The following NDEL1 variants were observed in gnomAD, a reference collection of about 807,000 sequenced individuals.
NDEL1 encodes the protein nudE neurodevelopment protein 1 like 1.
A neutral mutation model predicts 45.7 loss-of-function variants in NDEL1; 9 were observed. That is an observed-to-expected ratio of 0.20 (90% CI 0.12 to 0.34). The LOEUF (loss-of-function observed/expected upper bound fraction) is 0.34. Ranked by LOEUF, NDEL1 falls within the 10% of genes least tolerant of loss-of-function variation. The pLI is 1.00. For missense variants in NDEL1, 306 were observed against 406.2 expected (o/e 0.75, Z 2.12); for synonymous variants, 133 against 158.6 (o/e 0.84, Z 1.21).
At chr17:8,421,607 C>A (rs1174392832) in intron 1 of NDEL1, among the ~76,000 whole-genome samples, 1 of 152,180 alleles carries the variant, frequency 6.6e-6, no homozygotes, top group Non-Finnish European at 1.5e-5. Flanking sequence ...GGTTTAGACA[C>A]TACTGACCTT....
intron 1 of NDEL1, among the ~76,000 whole-genome samples, chr17:8,443,637 C>A (rs923754847): frequency 6.6e-6 from 1 of 152,094 alleles, no homozygotes; most frequent in African/African-American, 2.4e-5. Context: ...TTTCTCCTCT[C>A]TGAATGCCTT....
chr17:8,446,666 T>TGC, intron 3 of NDEL1, 88 bp from the exon 4 acceptor site: 1 of 1,262,256 alleles, frequency 7.9e-7, no homozygotes, highest in African/African-American at 1.5e-5. Context: ...TTCCTTGGGT[T>TGC]CCCCCCCACC....
intron 1 of NDEL1, among the ~76,000 whole-genome samples, chr17:8,430,553 G>T (rs1216067717): frequency 6.6e-6 from 1 of 152,124 alleles, no homozygotes; most frequent in Non-Finnish European, 1.5e-5. Flanking sequence ...GGTGGAATCT[G>T]GCCTCTGTTT....
At chr17:8,434,272 T>G (rs1399121407), upstream of NDEL1, among the ~76,000 whole-genome samples, 1 of 152,102 alleles carries the variant, frequency 6.6e-6, no homozygotes, top group Non-Finnish European at 1.5e-5. Flanking sequence ...GTCGCCCAGG[T>G]TAGAGTGCAG....
intron 2 of NDEL1, among the ~76,000 whole-genome samples, chr17:8,445,387 A>AT (rs1910015378): frequency 6.6e-6 from 1 of 152,208 alleles, no homozygotes; most frequent in African/African-American, 2.4e-5. Context: ...GTAGAAGGAA[A>AT]TGCCAAATTT....
chr17:8,434,168 C>T (rs1909098828), upstream of NDEL1, among the ~76,000 whole-genome samples: 1 of 152,198 alleles, frequency 6.6e-6, no homozygotes, highest in African/African-American at 2.4e-5. Flanking sequence ...CCTGTAATCC[C>T]AGGACTTTGT....
At chr17:8,433,044 T>C (rs1423850032), upstream of NDEL1, among the ~76,000 whole-genome samples, 1 of 152,126 alleles carries the variant, frequency 6.6e-6, no homozygotes, top group Non-Finnish European at 1.5e-5. Flanking sequence ...TAGCCACCGC[T>C]TTGTCTTCAG....
rs16957296 is a variant in NDEL1, at chr17:8,461,696, C to T, written c.944+1536C>T. Among the ~76,000 whole-genome samples, 1,359 of 152,222 alleles carry T rather than the reference C, an allele frequency of 8.9e-3. 18 individuals carry two copies. The highest frequency in any genetic ancestry group is 0.031 in the African/African-American group (1,290 of 41,528). On this transcript the variant is annotated intron_variant, in intron 8 of 8. Transcript: ENST00000334527. Reference sequence around the variant, plus strand: ...GAATGACTGGATGGTTTTACATGAGCGTAGCCATTTCCCCTGAATGATATG... The same window carrying T: ...GAATGACTGGATGGTTTTACATGAGTGTAGCCATTTCCCCTGAATGATATG...
intron 7 of NDEL1, among the ~76,000 whole-genome samples, chr17:8,458,230 C>A (rs536931252): frequency 2.6e-5 from 4 of 152,142 alleles, no homozygotes; most frequent in African/African-American, 9.6e-5. Context: ...TGGCTGCTCC[C>A]AACTTTCTTT....
At chr17:8,451,001 T>A in intron 6 of NDEL1, 48 bp downstream of exon 6, 1 of 1,533,934 alleles carries the variant, frequency 6.5e-7, no homozygotes, top group Non-Finnish European at 8.7e-7. Context: ...ATGATCAGCT[T>A]ACGGGGGTTT....
rs1474683756 is a variant in NDEL1, at chr17:8,467,935, T to C, written c.*912T>C. 2 of 152,674 alleles carry C rather than the reference T, an allele frequency of 1.3e-5. No homozygotes were observed. The highest frequency in any genetic ancestry group is 2.9e-5 in the Non-Finnish European group (2 of 68,052). 9.5% of individuals were successfully genotyped at this position (152,674 alleles called of 1,614,324 possible). A position where few individuals can be genotyped will look rare whatever the true frequency, so the allele number is the denominator to read the frequency against. On this transcript the variant is annotated 3_prime_UTR_variant, in exon 9 of 9. Transcript: ENST00000334527. The surrounding 1 kb of genome is among the most constrained non-coding windows in gnomAD (Gnocchi z 6.3). ...GATTACTCTCATGCTGCATTTACTG[T>C]TTACATTTGTTTTATTGTACATAGG...
chr17:8,447,154 GT>G (rs1047844294), intron 4 of NDEL1, among the ~76,000 whole-genome samples: 1 of 151,884 alleles, frequency 6.6e-6, no homozygotes, highest in African/African-American at 2.4e-5. Flanking sequence ...GTTTTGTTTT[GT>G]TTTTTGAGAC....
Position 8,467,598 on chromosome 17 carries a change from A to C in NDEL1, c.*575A>C. On this transcript the variant is annotated 3_prime_UTR_variant, in exon 9 of 9. Coordinates refer to ENST00000334527, the MANE Select transcript of NDEL1 (RefSeq NM_030808.5). The surrounding 1 kb of genome is among the most constrained non-coding windows in gnomAD (Gnocchi z 6.3). ...ATTTTACTTAAGCAGCTACCATTCCATGGACTTGCCTCCCAGAGCAGCACA... is the reference window on the plus strand; with the variant it reads ...ATTTTACTTAAGCAGCTACCATTCCCTGGACTTGCCTCCCAGAGCAGCACA... 1 of 164,980 alleles carries C rather than the reference A, an allele frequency of 6.1e-6. No homozygotes were observed. Among genetic ancestry groups the C allele is most frequent in the Non-Finnish European group, 1.3e-5 (1 of 76,514 alleles). 10.2% of individuals were successfully genotyped at this position (164,980 alleles called of 1,614,324 possible).
rs114234715 is a variant in NDEL1, at chr17:8,414,710, C to A, written c.-13+1441C>A. Among the ~76,000 whole-genome samples, 1,090 of 152,058 alleles carry A rather than the reference C, an allele frequency of 7.2e-3. 11 individuals carry two copies. The highest frequency in any genetic ancestry group is 0.025 in the African/African-American group (1,047 of 41,494). On this transcript the variant is annotated intron_variant, in intron 1 of 4. Transcript: ENST00000582812. ...ACCATCTTATTTATTTATTTGAGGCCGGGTCTTGCTATGTTGCCCAGCCTG... is the reference window on the plus strand; with the variant it reads ...ACCATCTTATTTATTTATTTGAGGCAGGGTCTTGCTATGTTGCCCAGCCTG...
chr17:8,445,483 T>C (rs1910022068), intron 2 of NDEL1, among the ~76,000 whole-genome samples: 1 of 22,426 alleles, frequency 4.5e-5, no homozygotes, highest in South Asian at 0.045. Flanking sequence ...CACGTAGCCT[T>C]ACTTTTCATA....
chr17:8,468,809 G>A (rs1911758299), downstream of NDEL1, among the ~76,000 whole-genome samples: 1 of 152,248 alleles, frequency 6.6e-6, no homozygotes, highest in African/African-American at 2.4e-5. Context: ...TTCGAGACCA[G>A]CCTGACCAAC....
chr17:8,435,976 G>T lies in NDEL1; in HGVS notation c.-82G>T, dbSNP rs923872216. 1 of 447,684 alleles carries T rather than the reference G, an allele frequency of 2.2e-6. No individual in the cohort carries two copies. 27.7% of individuals were successfully genotyped at this position (447,684 alleles called of 1,614,324 possible). On this transcript the variant is annotated 5_prime_UTR_variant, in exon 1 of 9. Transcript: ENST00000334527. The stretch of plus-strand genomic sequence containing the variant: ...GGAGCTGAGCCGAGCGGCTGGGCGG[G>T]CCTGGCCGGGCCGGCGGAGGGGAGA...
chr17:8,460,388 C>T (rs1210825349), intron 8 of NDEL1, among the ~76,000 whole-genome samples: 3 of 152,152 alleles, frequency 2.0e-5, no homozygotes, highest in Non-Finnish European at 4.4e-5. Context: ...GAAGCAGACT[C>T]TTGAAAGGCA....
intron 5 of NDEL1, among the ~76,000 whole-genome samples, chr17:8,449,173 G>A (rs1910294853): frequency 6.6e-6 from 1 of 152,158 alleles, no homozygotes; most frequent in Non-Finnish European, 1.5e-5. Flanking sequence ...AGTAGAGACG[G>A]GATTTCACCA....
Sources: gnomAD v4.1 joint callset for allele counts (sites outside exome capture counted in the v4.1 genomes callset) on GRCh38, gnomAD v4.1.1 for gene constraint, Gnocchi (gnomAD v3.1) non-coding constraint, MANE v1.5 for transcripts, NCBI Gene and HGNC (gene_info 2026-07-23, HGNC 2026-07-21) for gene names.